FGF13: variants seen among roughly 807,000 people sequenced by gnomAD.
FGF13 encodes fibroblast growth factor homologous factor 2.
Under a neutral mutation model 19.5 loss-of-function variants are expected in FGF13, and 2 were observed. That is an observed-to-expected ratio of 0.10 (90% confidence interval 0.04 to 0.32). The LOEUF is 0.32. Among genes scored for constraint, FGF13 ranks in the 10% least tolerant of loss-of-function variants. The pLI, the probability that FGF13 is intolerant of heterozygous loss-of-function variation, is 1.00. For missense variants in FGF13, 113 were observed against 192.7 expected (o/e 0.59, Z 2.45); for synonymous variants, 72 against 76.9 (o/e 0.94, Z 0.33).
intron 2 of FGF13, among the ~76,000 whole-genome samples, chrX:138,703,902 C>CG (rs1332434827): frequency 1.8e-5 from 2 of 110,647 alleles, no homozygotes; most frequent in African/African-American, 3.3e-5. Flanking sequence ...TTAGTAGAGA[C>CG]GGGGTTTCTC....
intron 1 of FGF13, among the ~76,000 whole-genome samples, chrX:139,054,117 C>CTTTTTT (rs58544411): frequency 5.0e-4 from 17 of 33,963 alleles, no homozygotes; most frequent in Non-Finnish European, 6.6e-4. Context: ...GTCTACGTGC[C>CTTTTTT]TTTTTTTTTT....
At chrX:138,671,377 G>A (rs1157789599) in intron 3 of FGF13, among the ~76,000 whole-genome samples, 1 of 111,255 alleles carries the variant, frequency 9.0e-6, no homozygotes, top group Non-Finnish European at 1.9e-5. Context: ...ATAAATACAG[G>A]CAACGTTTAT....
intron 3 of FGF13, 23 bp from the exon 4 acceptor site, chrX:138,635,678 A>C: frequency 8.8e-7 from 1 of 1,137,127 alleles, no homozygotes; most frequent in Admixed American, 2.2e-5. Context: ...TAAATAAACA[A>C]AAGTTCAGTG....
intron 1 of FGF13, among the ~76,000 whole-genome samples, chrX:139,147,034 G>T (rs2083896057): frequency 9.2e-6 from 1 of 109,285 alleles, no homozygotes; most frequent in African/African-American, 3.3e-5. Flanking sequence ...AAGTTAATGG[G>T]TATAGCACAT....
Position 138,684,898 on chromosome X carries a change from T to C in FGF13, c.402+18086A>G, listed in dbSNP as rs374004246. On this transcript the variant is annotated intron_variant, in intron 3 of 4. Transcript: ENST00000315930. ...TAAAAATATGAAGGCAGTGAGTCCT[T>C]CCATAAACAATTCAAGAAAGGGAAT... Among the ~76,000 whole-genome samples the C allele has an allele frequency of 4.5e-5, 5 of 111,403 alleles. No homozygotes were observed. The East Asian group carries it at 1.1e-3, about 25-fold the overall frequency.
In FGF13 at chrX:138,867,829, C is replaced by G. The variant is rs778198718; in HGVS notation, c.-112-3179G>C. On this transcript the variant is annotated intron_variant, in intron 1 of 2. Transcript: ENST00000421460. ...TCTATCTATCTATCTATCTATCTAT[C>G]TATCATCTATCTATCTATCCTCCCT... Among the ~76,000 whole-genome samples the G allele has an allele frequency of 1.4e-3, 148 of 102,313 alleles. 1 individual carries two copies. Among genetic ancestry groups the G allele is most frequent in the African/African-American group, 4.9e-3 (136 of 27,876 alleles). The allele number at this position is 102,313 out of a possible 115,157, so 88.8% of individuals were successfully genotyped here.
chrX:139,011,660 A>G (rs1289992610), intron 1 of FGF13, among the ~76,000 whole-genome samples: 1 of 111,959 alleles, frequency 8.9e-6, no homozygotes, highest in African/African-American at 3.2e-5. Context: ...TAAAACCCTC[A>G]GCAAAATCGG....
chrX:138,971,876 G>C (rs1214916392), intron 1 of FGF13, among the ~76,000 whole-genome samples: 3 of 111,517 alleles, frequency 2.7e-5, no homozygotes, highest in Non-Finnish European at 3.8e-5. Flanking sequence ...CCAAGTCTTG[G>C]TAACCACTGT....
intron 3 of FGF13, among the ~76,000 whole-genome samples, chrX:138,772,286 C>T (rs2090552753): frequency 2.8e-5 from 3 of 108,312 alleles, no homozygotes; most frequent in African/African-American, 1.0e-4. Flanking sequence ...ATATTATCAT[C>T]TTTATTGTTG....
chrX:138,865,769 G>A (rs2124156265), intron 1 of FGF13, among the ~76,000 whole-genome samples: 1 of 111,067 alleles, frequency 9.0e-6, no homozygotes, highest in East Asian at 2.9e-4. Context: ...AGCCAGTTTT[G>A]TTGAATTGAA....
chrX:139,117,461 T>C (rs1401469732), intron 1 of FGF13, among the ~76,000 whole-genome samples: 2 of 111,678 alleles, frequency 1.8e-5, no homozygotes, highest in African/African-American at 6.5e-5. Context: ...TATCTTTTTA[T>C]CTATCTATCC....
chrX:138,884,943 C>T, intron 1 of FGF13, among the ~76,000 whole-genome samples: 1 of 112,014 alleles, frequency 8.9e-6, no homozygotes. Flanking sequence ...TCGAAAATGG[C>T]ACCATTAGCC....
intron 1 of FGF13, among the ~76,000 whole-genome samples, chrX:138,929,484 C>A (rs1327621300): frequency 1.8e-5 from 2 of 110,522 alleles, no homozygotes; most frequent in South Asian, 3.9e-4. Context: ...CAAATGGGTT[C>A]TCAACTTACT....
Position 138,619,870 on chromosome X carries a change from A to G in FGF13, c.*12980T>C, listed in dbSNP as rs2089001126. ...GGAACACTTTTACACTGCTGGTGGG[A>G]AAGTAAATTAGTTCAAACATTGTGG... is the stretch of plus-strand genomic sequence containing the variant. On this transcript the variant is annotated 3_prime_UTR_variant, in exon 5 of 5. Transcript: ENST00000315930. 1 of 112,318 alleles carries G rather than the reference A, an allele frequency of 8.9e-6. No homozygotes were observed. The highest frequency in any genetic ancestry group is 3.2e-5 in the African/African-American group (1 of 30,899). The allele number at this position is 112,318 out of a possible 1,213,427, so 9.3% of individuals were successfully genotyped here.
At chrX:138,730,821 A>G (rs1406124769) in intron 1 of FGF13, among the ~76,000 whole-genome samples, 3 of 111,432 alleles carry the variant, frequency 2.7e-5, no homozygotes, top group Non-Finnish European at 5.7e-5. Context: ...TATTGCTTAC[A>G]AGAAACAGAC....
At chrX:139,145,239 C>G (rs1038440984) in intron 1 of FGF13, among the ~76,000 whole-genome samples, 4 of 110,824 alleles carry the variant, frequency 3.6e-5, no homozygotes, top group African/African-American at 1.3e-4. Flanking sequence ...CAAAGGGACT[C>G]TAGTGAGGAG....
In FGF13 at chrX:138,691,941, T is replaced by G. The variant is rs140237570; in HGVS notation, c.402+11043A>C. Among the ~76,000 whole-genome samples, 707 of 112,052 alleles carry G rather than the reference T, an allele frequency of 6.3e-3. 3 individuals are homozygous for G. Among genetic ancestry groups the G allele is most frequent in the Non-Finnish European group, 9.7e-3 (513 of 53,043 alleles). On this transcript the variant is annotated intron_variant, in intron 3 of 4. Transcript: ENST00000315930. ...GGGCTTGCCCGTTATTAACCTTGGT[T>G]ACAGCTATTATAATGATCAGAAAAT...
intron 1 of FGF13, among the ~76,000 whole-genome samples, chrX:139,017,339 G>GTATATATATA (rs34651307): frequency 1.4e-4 from 14 of 100,227 alleles, no homozygotes; most frequent in African/African-American, 4.4e-4. Flanking sequence ...ATACATGTAT[G>GTATATATATA]TATATATATA....
At chrX:139,098,700 G>T (rs1410580098) in intron 1 of FGF13, among the ~76,000 whole-genome samples, 2 of 111,238 alleles carry the variant, frequency 1.8e-5, no homozygotes, top group Non-Finnish European at 3.8e-5. Context: ...GAAACACAGA[G>T]ATGGGAACAA....
Sources: allele counts gnomAD v4.1 joint callset (sites outside exome capture counted in the v4.1 genomes callset), GRCh38; gene constraint gnomAD v4.1.1; transcripts MANE v1.5; gene names NCBI Gene and HGNC (gene_info 2026-07-23, HGNC 2026-07-21).